CUL2: variants seen among roughly 807,000 people sequenced by gnomAD.
The protein encoded by CUL2 is cullin-2.
A neutral mutation model predicts 110.2 loss-of-function variants in CUL2; 22 were observed. The observed-to-expected ratio is 0.20, with a 90% CI of 0.14 to 0.28. The LOEUF (loss-of-function observed/expected upper bound fraction) is 0.28. Ranked by LOEUF, CUL2 falls within the 10% of genes least tolerant of loss-of-function variation. CUL2 has a pLI of 1.00. For missense variants in CUL2, 631 were observed against 905.5 expected (o/e 0.70, Z 3.89); for synonymous variants, 279 against 293.2 (o/e 0.95, Z 0.49).
intron 17 of CUL2, 33 bp from the exon 18 acceptor site, chr10:35,016,427 A>T (rs1564694864): frequency 1.4e-6 from 2 of 1,462,218 alleles, no homozygotes; most frequent in East Asian, 2.3e-5. Flanking sequence ...CAGTGAATTG[A>T]CCATTCAAAG....
chr10:35,062,670 C>CA (rs77853239), intron 3 of CUL2, among the ~76,000 whole-genome samples: 20,967 of 123,062 alleles, frequency 0.17, 1,721 homozygotes, highest in East Asian at 0.29. Context: ...CCATCTCTAC[C>CA]AAAAAAAAAA....
rs1487180464 is a variant in CUL2, at chr10:35,029,572, A to G, written c.1455T>C (p.Asp485=). The change falls in exon 15 of 21, where the codon GAT becomes GAC. Residue 485 remains aspartate, a synonymous_variant. Transcript: ENST00000374749. The part of the protein sequence containing the change: ...RMYTDMSVSA[D]LNNKFNNFIK... ...TAAAATTGTTGAACTTATTGTTGAG[A>G]TCAGCGCTGACACTCATATCTGTAT... The G allele has an allele frequency of 6.3e-7, 1 of 1,596,042 alleles. No homozygotes were observed. The highest frequency in any genetic ancestry group is 8.5e-7 in the Non-Finnish European group (1 of 1,173,514).
intron 15 of CUL2, 34 bp from the exon 16 acceptor site, chr10:35,028,921 A>C: frequency 8.2e-7 from 1 of 1,216,956 alleles, no homozygotes; most frequent in Non-Finnish European, 1.2e-6. Context: ...AATAAGCTAA[A>C]TGGATCAACA....
At chr10:35,064,673 A>G (rs2086471234) in intron 2 of CUL2, among the ~76,000 whole-genome samples, 1 of 152,084 alleles carries the variant, frequency 6.6e-6, no homozygotes, top group Non-Finnish European at 1.5e-5. Context: ...AGTTCTATTT[A>G]TATATTTTTA....
intron 16 of CUL2, among the ~76,000 whole-genome samples, chr10:35,027,293 T>C (rs1338174505): frequency 1.3e-5 from 2 of 151,988 alleles, no homozygotes; most frequent in African/African-American, 4.8e-5. Context: ...TACAGGTGCA[T>C]GCCACCATGC....
chr10:35,032,322 CCTT>C (rs1173892848), intron 12 of CUL2, 110 bp downstream of exon 12: 3 of 847,618 alleles, frequency 3.5e-6, no homozygotes, highest in Non-Finnish European at 3.8e-6. Context: ...AGATAATTTT[CCTT>C]CTATTTTTCT....
At chr10:35,039,684 G>A (rs1322104789) in intron 8 of CUL2, among the ~76,000 whole-genome samples, 2 of 152,038 alleles carry the variant, frequency 1.3e-5, no homozygotes, top group African/African-American at 2.4e-5. Flanking sequence ...GGCCAATATG[G>A]CGAAACCCTG....
intron 2 of CUL2, among the ~76,000 whole-genome samples, chr10:35,096,975 A>AT (rs2087308156): frequency 1.3e-5 from 2 of 151,868 alleles, no homozygotes; most frequent in Non-Finnish European, 2.9e-5. Flanking sequence ...ATACTCGGCT[A>AT]TTTTTTGTAT....
intron 1 of CUL2, among the ~76,000 whole-genome samples, chr10:35,115,137 A>G (rs533922111): frequency 1.0e-3 from 152 of 150,696 alleles, no homozygotes; most frequent in Non-Finnish European, 1.9e-3. Context: ...ACTTGAACCC[A>G]GGAGGCAGGA....
At chr10:35,065,732 G>A (rs1005680406) in intron 2 of CUL2, among the ~76,000 whole-genome samples, 45 of 152,052 alleles carry the variant, frequency 3.0e-4, no homozygotes, top group African/African-American at 1.1e-3. Context: ...GGTGGCACAT[G>A]CCTGTAATGC....
In CUL2 at chr10:35,010,280, T is replaced by A; in HGVS notation, c.*31A>T. ...ACACACCAAATGGTGATGGCAATGATCTTCTCACACCACGCTGGAGGAGAG... is the reference window on the plus strand; with the variant it reads ...ACACACCAAATGGTGATGGCAATGAACTTCTCACACCACGCTGGAGGAGAG... On this transcript the variant is annotated 3_prime_UTR_variant, in exon 21 of 21. Coordinates refer to ENST00000374749, the MANE Select transcript of CUL2 (RefSeq NM_003591.4). 6.4e-7 allele frequency: 1 copy of A among 1,556,862 alleles called. No homozygotes were observed. The highest frequency in any genetic ancestry group is 8.7e-7 in the Non-Finnish European group (1 of 1,148,810).
At chr10:35,087,741 G>A (rs1333740734) in intron 1 of CUL2, among the ~76,000 whole-genome samples, 1 of 152,100 alleles carries the variant, frequency 6.6e-6, no homozygotes, top group Non-Finnish European at 1.5e-5. Context: ...ATCTCAAAAC[G>A]TTTTCACTTG....
At chr10:35,084,605 A>T (rs1480451430) in intron 1 of CUL2, among the ~76,000 whole-genome samples, 1 of 152,244 alleles carries the variant, frequency 6.6e-6, no homozygotes, top group Non-Finnish European at 1.5e-5. Flanking sequence ...TACCAGTAAG[A>T]TTCAAACCCA....
chr10:35,111,621 C>G (rs1354937861), intron 1 of CUL2, among the ~76,000 whole-genome samples: 1 of 152,176 alleles, frequency 6.6e-6, no homozygotes, highest in Non-Finnish European at 1.5e-5. Context: ...GGCGTGGTGG[C>G]TCACGCCTGT....
chr10:35,071,798 A>G (rs2086689081), intron 1 of CUL2, among the ~76,000 whole-genome samples: 1 of 152,240 alleles, frequency 6.6e-6, no homozygotes, highest in Non-Finnish European at 1.5e-5. Context: ...AATGTTAGCT[A>G]CCATCTTTTC....
Position 35,038,939 on chromosome 10 carries a change from AATTAT to A in CUL2, c.853_857del (p.Ile285SerfsTer7). On this transcript the variant is annotated frameshift_variant, in exon 9 of 21. Coordinates refer to ENST00000374749, the MANE Select transcript of CUL2 (RefSeq NM_003591.4). LOFTEE classifies it high-confidence loss of function. Reference sequence around the variant, plus strand: ...ACTTACCATTTTTTTTCTCTTGTCGAATTATATTATGACATTCTGCATGTAAAAAC... The same window carrying A: ...ACTTACCATTTTTTTTCTCTTGTCGAATTATGACATTCTGCATGTAAAAAC... 1 of 1,592,636 alleles carries A rather than the reference AATTAT, an allele frequency of 6.3e-7. No homozygotes were observed.
upstream of CUL2, among the ~76,000 whole-genome samples, chr10:35,091,905 G>A (rs2087212244): frequency 6.6e-6 from 1 of 151,178 alleles, no homozygotes; most frequent in Non-Finnish European, 1.5e-5. Context: ...TAGGATTACA[G>A]GCCTGAGCCA....
chr10:35,011,268 G>T (rs1045833296), intron 20 of CUL2, among the ~76,000 whole-genome samples: 1 of 146,814 alleles, frequency 6.8e-6, no homozygotes, highest in South Asian at 2.1e-4. Flanking sequence ...GCCCAGGCTG[G>T]TCTGAAACTC....
chr10:35,010,427 T>G lies in CUL2; in HGVS notation c.2122A>C (p.Arg708=), dbSNP rs368917888. Reference sequence around the variant, plus strand: ...CTGATACTGGGATTAAACCTAGCTCTTGACTGGCTAATCACCTGTGGAAGA... The same window carrying G: ...CTGATACTGGGATTAAACCTAGCTCGTGACTGGCTAATCACCTGTGGAAGA... ...ALIQEVISQS[R]ARFNPSISMI... is the part of the protein sequence containing the mutation. The change falls in exon 21 of 21, where the codon AGA becomes CGA. Residue 708 remains arginine (R), a synonymous_variant. Coordinates refer to ENST00000374749, the MANE Select transcript of CUL2 (RefSeq NM_003591.4). 4.3e-5 allele frequency: 69 copies of G among 1,609,854 alleles called. No homozygotes were observed. Among genetic ancestry groups the G allele is most frequent in the Non-Finnish European group, 5.3e-5 (62 of 1,178,164 alleles).
Sources: allele counts gnomAD v4.1 joint callset (sites outside exome capture counted in the v4.1 genomes callset), GRCh38; gene constraint gnomAD v4.1.1; transcripts MANE v1.5; gene names NCBI Gene and HGNC (gene_info 2026-07-23, HGNC 2026-07-21).